LDLRAD3: variants seen among roughly 807,000 people sequenced by gnomAD.
LDLRAD3 encodes low density lipoprotein receptor class A domain containing 3, also known as low-density lipoprotein receptor class A domain-containing protein 3.
A neutral mutation model predicts 29.4 loss-of-function variants in LDLRAD3; 20 were observed. The observed-to-expected ratio is 0.68, with a 90% confidence interval of 0.48 to 0.99. The LOEUF (loss-of-function observed/expected upper bound fraction) is 0.99. Ranked by LOEUF, LDLRAD3 falls within the 50% of genes least tolerant of loss-of-function variation. The pLI is 0.00. For missense variants in LDLRAD3, 420 were observed against 454.3 expected, an observed-to-expected ratio of 0.92 and a Z score of 0.69; for synonymous variants, 157 against 192.7, an observed-to-expected ratio of 0.81 and a Z score of 1.53.
intron 1 of LDLRAD3, among the ~76,000 whole-genome samples, chr11:36,017,080 A>G (rs893485110): frequency 7.9e-5 from 12 of 152,220 alleles, no homozygotes; most frequent in Admixed American, 7.2e-4. Context: ...AACCATGTCA[A>G]TGTGTTTTTT....
chr11:36,104,780 G>A (rs1373097652), intron 4 of LDLRAD3, among the ~76,000 whole-genome samples: 3 of 152,018 alleles, frequency 2.0e-5, no homozygotes, highest in African/African-American at 7.3e-5. Context: ...ATGGGGACTC[G>A]GCTCATCACA....
At chr11:36,063,930 T>C (rs1852747142) in intron 2 of LDLRAD3, among the ~76,000 whole-genome samples, 1 of 152,202 alleles carries the variant, frequency 6.6e-6, no homozygotes, top group South Asian at 2.1e-4. Flanking sequence ...TATGATCAGC[T>C]TGTCCATTCT....
intron 2 of LDLRAD3, among the ~76,000 whole-genome samples, chr11:36,062,071 G>A (rs912768577): frequency 6.6e-6 from 1 of 152,242 alleles, no homozygotes; most frequent in East Asian, 1.9e-4. Flanking sequence ...TGTAAGGTCA[G>A]TTTCATCTCC....
chr11:36,206,678 A>T (rs1855214109), intron 4 of LDLRAD3, among the ~76,000 whole-genome samples: 3 of 151,750 alleles, frequency 2.0e-5, no homozygotes, highest in Non-Finnish European at 4.4e-5. Context: ...CACCTCTAGA[A>T]TGATTTACCT....
In LDLRAD3 at chr11:36,211,454, C is replaced by T. The variant is rs1425868238; in HGVS notation, c.455-15631C>T. ...TTTCCTAAAACGAGCTTTGTAGGTG[C>T]TGTGTGGAAAATGGATTGGAGAGGG... On this transcript the variant is annotated intron_variant, in intron 4 of 5. Transcript: ENST00000315571. 2.6e-5 allele frequency among the ~76,000 whole-genome samples: 4 copies of T among 152,238 alleles called. No individual in the cohort carries two copies. The South Asian group carries it at 6.2e-4, about 24-fold the overall frequency.
intron 2 of LDLRAD3, among the ~76,000 whole-genome samples, chr11:36,056,780 G>C (rs549762992): frequency 3.2e-4 from 48 of 152,160 alleles, no homozygotes; most frequent in Non-Finnish European, 5.6e-4. Context: ...GTTAAAATTA[G>C]CAGCAAGCAT....
At chr11:36,178,545 G>A (rs952668148) in intron 4 of LDLRAD3, among the ~76,000 whole-genome samples, 29 of 152,146 alleles carry the variant, frequency 1.9e-4, no homozygotes, top group African/African-American at 7.0e-4. Context: ...CCTCACCATG[G>A]CATTCAGAGC....
chr11:36,121,803 T>C (rs1484257989), intron 4 of LDLRAD3, among the ~76,000 whole-genome samples: 1 of 152,194 alleles, frequency 6.6e-6, no homozygotes, highest in Non-Finnish European at 1.5e-5. Context: ...TGTGCCAGTG[T>C]GGGAGCAGGC....
intron 4 of LDLRAD3, among the ~76,000 whole-genome samples, chr11:36,130,905 T>C (rs1223332749): frequency 1.3e-5 from 2 of 152,200 alleles, no homozygotes; most frequent in African/African-American, 4.8e-5. Flanking sequence ...ATCTCTTTCA[T>C]GGACTGCCTC....
At chr11:35,950,692 G>C (rs574153188) in intron 1 of LDLRAD3, among the ~76,000 whole-genome samples, 7 of 152,132 alleles carry the variant, frequency 4.6e-5, no homozygotes, top group Non-Finnish European at 1.0e-4. Flanking sequence ...AGTGAGAGTG[G>C]CTCCCATTCA....
chr11:35,981,103 C>T (rs1037590992), intron 1 of LDLRAD3, among the ~76,000 whole-genome samples: 3 of 151,486 alleles, frequency 2.0e-5, no homozygotes, highest in Admixed American at 6.6e-5. Context: ...CCTTTGGGGC[C>T]ATGGTCCACT....
At chr11:36,108,524 G>A (rs997468829) in intron 4 of LDLRAD3, among the ~76,000 whole-genome samples, 4 of 152,062 alleles carry the variant, frequency 2.6e-5, no homozygotes, top group Non-Finnish European at 5.9e-5. Context: ...AAGGACAGGC[G>A]CAGGACACTC....
chr11:36,168,922 A>G (rs751369167), intron 4 of LDLRAD3, among the ~76,000 whole-genome samples: 1 of 152,188 alleles, frequency 6.6e-6, no homozygotes, highest in Non-Finnish European at 1.5e-5. Flanking sequence ...AGCCCACATC[A>G]TGCTTTGAGC....
At chr11:35,967,422 C>T in intron 1 of LDLRAD3, 1 of 314,056 alleles carries the variant, frequency 3.2e-6, no homozygotes, top group Non-Finnish European at 6.1e-6. Context: ...GTCCTTACTC[C>T]TTCAGCCATT....
chr11:35,968,179 G>A (rs756022461), intron 1 of LDLRAD3: 6 of 424,150 alleles, frequency 1.4e-5, no homozygotes, highest in Admixed American at 5.7e-5. Context: ...AGATCATCTC[G>A]AATTTTCCTC....
In LDLRAD3 at chr11:36,199,566, T is replaced by TACACACACAC. The variant is rs57161243; in HGVS notation, c.455-27506_455-27497dup. On this transcript the variant is annotated intron_variant, in intron 4 of 5. Coordinates refer to ENST00000315571, the MANE Select transcript of LDLRAD3 (RefSeq NM_174902.4). Reference sequence around the variant, plus strand: ...TAGGAGTAGCAGGAAGCTGTGGTTCTACACACACACACACACACACACGCA... The same window carrying TACACACACAC: ...TAGGAGTAGCAGGAAGCTGTGGTTCTACACACACACACACACACACACACACACACACGCA... Among the ~76,000 whole-genome samples, 1,056 of 150,076 alleles carry TACACACACAC rather than the reference T, an allele frequency of 7.0e-3. 4 individuals are homozygous for TACACACACAC. The highest frequency in any genetic ancestry group is 0.02 in the African/African-American group (826 of 40,966).
chr11:36,171,265 A>T (rs1011729077), intron 4 of LDLRAD3, among the ~76,000 whole-genome samples: 2 of 152,036 alleles, frequency 1.3e-5, no homozygotes, highest in East Asian at 3.9e-4. Flanking sequence ...TACTCTGCTG[A>T]TTGTTTCTTT....
intron 4 of LDLRAD3, among the ~76,000 whole-genome samples, chr11:36,113,497 TAAG>T (rs1008485276): frequency 1.1e-4 from 16 of 152,030 alleles, no homozygotes; most frequent in African/African-American, 3.9e-4. Context: ...GCTTGATATA[TAAG>T]AAGATGACCT....
intron 3 of LDLRAD3, among the ~76,000 whole-genome samples, chr11:36,095,513 T>G (rs1853347349): frequency 6.6e-6 from 1 of 152,218 alleles, no homozygotes; most frequent in African/African-American, 2.4e-5. Flanking sequence ...TCTTTTCTTT[T>G]TGATTTTTGA....
Sources: gnomAD v4.1 joint callset for allele counts (sites outside exome capture counted in the v4.1 genomes callset) on GRCh38, gnomAD v4.1.1 for gene constraint, MANE v1.5 for transcripts, NCBI Gene and HGNC (gene_info 2026-07-23, HGNC 2026-07-21) for gene names.